The following NKAIN2 variants were observed in gnomAD, a reference collection of about 807,000 sequenced individuals.
NKAIN2 encodes the protein sodium/potassium-transporting ATPase subunit beta-1-interacting protein 2.
NKAIN2 carries 14 observed loss-of-function variants against 32.6 expected under a neutral mutation model. The ratio of observed to expected loss-of-function variants is 0.43; its 90% CI spans 0.28 to 0.67. NKAIN2 has a LOEUF of 0.67. Ranked by LOEUF, NKAIN2 falls within the 30% of genes least tolerant of loss-of-function variation. The pLI is 0.17. For synonymous variants in NKAIN2, 80 were observed against 87.2 expected (o/e 0.92, Z 0.46); for missense variants, 198 against 258.3 (o/e 0.77, Z 1.60).
intron 1 of NKAIN2, among the ~76,000 whole-genome samples, chr6:124,242,860 G>A (rs1006231310): frequency 1.3e-5 from 2 of 151,546 alleles, no homozygotes; most frequent in Non-Finnish European, 2.9e-5. Context: ...GACACAGGGA[G>A]GGGAACATCT....
At chr6:124,551,143 A>T (rs9482565) in intron 3 of NKAIN2, among the ~76,000 whole-genome samples, 25,498 of 152,172 alleles carry the variant, frequency 0.17, 2,250 homozygotes, top group African/African-American at 0.2. Flanking sequence ...AGTGAGCAAG[A>T]GAAATAAAAG....
At chr6:124,071,682 A>G (rs939722074) in intron 1 of NKAIN2, among the ~76,000 whole-genome samples, 2 of 152,144 alleles carry the variant, frequency 1.3e-5, no homozygotes, top group Non-Finnish European at 2.9e-5. Context: ...ACAGACATTT[A>G]TCAAAAGAAG....
chr6:124,150,714 T>C (rs1202595125), intron 1 of NKAIN2, among the ~76,000 whole-genome samples: 1 of 152,168 alleles, frequency 6.6e-6, no homozygotes, highest in Non-Finnish European at 1.5e-5. Context: ...AGAAATTGAA[T>C]TCCTATGTCA....
rs538580176 is a variant in NKAIN2 at position 123,943,769 on chromosome 6, G to A, written c.54+139515G>A. ...CCTCCTTGGGTATTCCATTGTTCTA[G>A]GTATTCAGCTGAACTACTGGAAGAG... On this transcript the variant is annotated intron_variant, in intron 1 of 6. Transcript: ENST00000368417. 8.5e-5 allele frequency among the ~76,000 whole-genome samples: 13 copies of A among 152,100 alleles called. No individual in the cohort carries two copies. In the South Asian group the frequency reaches 2.7e-3, roughly 32 times the overall value.
At chr6:124,541,758 T>C (rs560570216) in intron 3 of NKAIN2, among the ~76,000 whole-genome samples, 2 of 152,188 alleles carry the variant, frequency 1.3e-5, no homozygotes, top group Non-Finnish European at 2.9e-5. Flanking sequence ...ATTTTCCTAA[T>C]GCTGGCATCC....
chr6:124,741,135 C>T (rs114873806), intron 4 of NKAIN2, among the ~76,000 whole-genome samples: 153 of 151,540 alleles, frequency 1.0e-3, no homozygotes, highest in Middle Eastern at 3.4e-3. Flanking sequence ...ATGGGGACAA[C>T]GTGAAGGAGT....
At chr6:124,591,106 C>T (rs910647350) in intron 3 of NKAIN2, among the ~76,000 whole-genome samples, 1 of 152,168 alleles carries the variant, frequency 6.6e-6, no homozygotes, top group African/African-American at 2.4e-5. Context: ...ATGCCAACTT[C>T]CCTTGTGAGA....
intron 1 of NKAIN2, among the ~76,000 whole-genome samples, chr6:124,169,504 C>T (rs539483948): frequency 3.1e-4 from 47 of 152,168 alleles, no homozygotes; most frequent in Non-Finnish European, 6.3e-4. Flanking sequence ...CTCTTAGTTC[C>T]TAAATATAGT....
At chr6:124,439,198 T>C (rs1350359389) in intron 3 of NKAIN2, among the ~76,000 whole-genome samples, 1 of 152,160 alleles carries the variant, frequency 6.6e-6, no homozygotes, top group African/African-American at 2.4e-5. Context: ...TAGCTTGGTT[T>C]TCATTCTGTG....
At position 124,657,670 on chromosome 6, in the gene NKAIN2, A is replaced by G. The variant is rs1477582224; in HGVS notation, c.274-516A>G. On this transcript the variant is annotated intron_variant, in intron 3 of 6. Coordinates refer to ENST00000368417, the MANE Select transcript of NKAIN2 (RefSeq NM_001040214.3). ...ACAGGAAGAGGGGGAAGCAAGTAAT[A>G]TTATGTTTTCTTAAGTAAGGGTCTT... Among the ~76,000 whole-genome samples the G allele has an allele frequency of 2.0e-5, 3 of 152,082 alleles. No individual in the cohort carries two copies. The East Asian group carries it at 5.8e-4, about 29-fold the overall frequency.
intron 1 of NKAIN2, among the ~76,000 whole-genome samples, chr6:124,194,893 T>A (rs549227581): frequency 3.3e-4 from 50 of 152,110 alleles, no homozygotes; most frequent in African/African-American, 1.1e-3. Context: ...ATTTTGTACA[T>A]TTTTAATTAG....
chr6:124,122,462 A>G (rs1030560933), intron 1 of NKAIN2, among the ~76,000 whole-genome samples: 3 of 152,094 alleles, frequency 2.0e-5, no homozygotes, highest in Non-Finnish European at 4.4e-5. Flanking sequence ...TTTATAGGCT[A>G]TCGTTTTAAA....
intron 3 of NKAIN2, among the ~76,000 whole-genome samples, chr6:124,589,242 A>T (rs637547): frequency 2.6e-5 from 4 of 152,188 alleles, no homozygotes; most frequent in South Asian, 4.1e-4. Flanking sequence ...CTGAAGCACT[A>T]GGTTTTATTC....
intron 3 of NKAIN2, among the ~76,000 whole-genome samples, chr6:124,355,838 G>C (rs898478758): frequency 1.3e-5 from 2 of 152,130 alleles, no homozygotes. Flanking sequence ...AAATAGGCTA[G>C]GAAAACTAAA....
At chr6:124,610,036 C>A (rs1437661579) in intron 3 of NKAIN2, among the ~76,000 whole-genome samples, 5 of 152,094 alleles carry the variant, frequency 3.3e-5, no homozygotes, top group African/African-American at 9.7e-5. Flanking sequence ...ATTTTATTAT[C>A]ACTCACGACC....
rs1288194864 is a variant in NKAIN2, at chr6:124,222,187, G to T, written c.55-60818G>T. On this transcript the variant is annotated intron_variant, in intron 1 of 6. Coordinates refer to ENST00000368417, the MANE Select transcript of NKAIN2 (RefSeq NM_001040214.3). Reference sequence around the variant, plus strand: ...CAGGAAAAAGCAAAGACAACTGGATGTTAAGGGGTGAATTTCTTACCAAGA... The same window carrying T: ...CAGGAAAAAGCAAAGACAACTGGATTTTAAGGGGTGAATTTCTTACCAAGA... Among the ~76,000 whole-genome samples the T allele has an allele frequency of 5.3e-5, 8 of 152,288 alleles. No individual in the cohort carries two copies. In the East Asian group the frequency reaches 1.5e-3, roughly 29 times the overall value.
intron 3 of NKAIN2, among the ~76,000 whole-genome samples, chr6:124,374,826 G>A (rs1394860543): frequency 1.3e-5 from 2 of 151,770 alleles, no homozygotes; most frequent in African/African-American, 4.8e-5. Flanking sequence ...TTTATTTTAC[G>A]GTGCTTTTAA....
chr6:124,001,020 A>G (rs1038771306), intron 1 of NKAIN2, among the ~76,000 whole-genome samples: 1 of 152,096 alleles, frequency 6.6e-6, no homozygotes, highest in Non-Finnish European at 1.5e-5. Context: ...CACATATTAC[A>G]TTATATTAAA....
Position 124,207,333 on chromosome 6 carries a change from TC to T in NKAIN2, c.55-75670del, listed in dbSNP as rs796831806. Among the ~76,000 whole-genome samples the T allele has an allele frequency of 1.6e-4, 24 of 151,548 alleles. 1 individual carries two copies. Among genetic ancestry groups the T allele is most frequent in the African/African-American group, 5.8e-4 (24 of 41,358 alleles). ...TGATAATAATAATCGGGAACTTAAT[TC>T]CAAATCTATTTAAGGCACTCTATTA... is the stretch of plus-strand genomic sequence containing the variant. On this transcript the variant is annotated intron_variant, in intron 1 of 6. Transcript: ENST00000368417.
Sources: gnomAD v4.1 joint callset for allele counts (sites outside exome capture counted in the v4.1 genomes callset) on GRCh38, gnomAD v4.1.1 for gene constraint, MANE v1.5 for transcripts, NCBI Gene and HGNC (gene_info 2026-07-23, HGNC 2026-07-21) for gene names.